The following GPC5 variants were observed in gnomAD, a reference collection of about 807,000 sequenced individuals.
GPC5 encodes glypican 5, also known as glypican-5.
GPC5 carries 47 observed loss-of-function variants against 53.9 expected under a neutral mutation model. The observed-to-expected ratio is 0.87, with a 90% CI of 0.69 to 1.11. The LOEUF (loss-of-function observed/expected upper bound fraction) is 1.11, where lower values mean the gene tolerates loss of function less well. Among genes scored for constraint, GPC5 ranks in the 50% most tolerant of loss-of-function variants. The probability of loss-of-function intolerance (pLI) is 0.00; values close to 1 mark genes in which losing one functional copy is unlikely to be tolerated. For synonymous variants in GPC5, 286 were observed against 263.3 expected (o/e 1.09, Z -0.84); for missense variants, 748 against 713.1 (o/e 1.05, Z -0.56).
At chr13:91,839,421 C>T (rs886198801) in intron 5 of GPC5, among the ~76,000 whole-genome samples, 5 of 151,954 alleles carry the variant, frequency 3.3e-5, no homozygotes, top group Admixed American at 6.6e-5. Context: ...ATTTTGCAAC[C>T]GCTTTGGAGT....
At chr13:91,570,138 A>G (rs901385897) in intron 2 of GPC5, among the ~76,000 whole-genome samples, 37 of 152,224 alleles carry the variant, frequency 2.4e-4, no homozygotes, top group African/African-American at 8.4e-4. Context: ...AAAAGTCGCC[A>G]TAAACAAACT....
At chr13:91,418,491 T>A (rs1281756396) in intron 1 of GPC5, among the ~76,000 whole-genome samples, 1 of 152,186 alleles carries the variant, frequency 6.6e-6, no homozygotes, top group Non-Finnish European at 1.5e-5. Context: ...GAAGCTTGAT[T>A]CTGCAGGAAA....
chr13:92,510,735 T>C (rs752875000), intron 7 of GPC5, among the ~76,000 whole-genome samples: 1 of 152,216 alleles, frequency 6.6e-6, no homozygotes, highest in Non-Finnish European at 1.5e-5. Context: ...ATCCATGGCT[T>C]ATGCTGATTT....
intron 2 of GPC5, among the ~76,000 whole-genome samples, chr13:91,498,197 T>G (rs865860041): frequency 4.0e-5 from 6 of 151,890 alleles, no homozygotes; most frequent in African/African-American, 1.5e-4. Context: ...ATTCTTGGGA[T>G]TTTTGCTTAA....
At chr13:91,423,971 A>G (rs1331358734) in intron 1 of GPC5, among the ~76,000 whole-genome samples, 1 of 152,256 alleles carries the variant, frequency 6.6e-6, no homozygotes, top group African/African-American at 2.4e-5. Flanking sequence ...TAAAATATTC[A>G]TTCACAATGC....
At chr13:91,554,072 C>G (rs2030802849) in intron 2 of GPC5, among the ~76,000 whole-genome samples, 1 of 151,978 alleles carries the variant, frequency 6.6e-6, no homozygotes, top group African/African-American at 2.4e-5. Context: ...TTCCCTTTTA[C>G]CACCACTTTT....
intron 2 of GPC5, among the ~76,000 whole-genome samples, chr13:91,459,716 T>A (rs1473618138): frequency 6.6e-6 from 1 of 152,094 alleles, no homozygotes; most frequent in Non-Finnish European, 1.5e-5. Context: ...GCTAAGCTTA[T>A]ACAGGGTAGA....
intron 5 of GPC5, 73 bp from the exon 6 acceptor site, chr13:91,907,864 T>C: frequency 6.7e-7 from 1 of 1,502,274 alleles, no homozygotes; most frequent in African/African-American, 1.4e-5. Flanking sequence ...CGACCTCAAA[T>C]ATGTTCAGAT....
chr13:92,748,311 T>TTTATTATTATTA (rs71202559), intron 7 of GPC5, among the ~76,000 whole-genome samples: 4,460 of 142,310 alleles, frequency 0.031, 147 homozygotes, highest in East Asian at 0.13. Context: ...TGCATTTTAT[T>TTTATTATTATTA]TTATTATTAT....
At chr13:92,031,821 T>A (rs1248500089) in intron 6 of GPC5, among the ~76,000 whole-genome samples, 1 of 102,078 alleles carries the variant, frequency 9.8e-6, no homozygotes, top group Admixed American at 1.5e-4. Context: ...TATTACATAT[T>A]ATATATAATA....
intron 7 of GPC5, among the ~76,000 whole-genome samples, chr13:92,420,834 A>G (rs1313482406): frequency 1.3e-5 from 2 of 152,174 alleles, no homozygotes; most frequent in Admixed American, 1.3e-4. Context: ...CATTCCTTTT[A>G]TGGCTGAATA....
At chr13:92,335,360 G>T (rs1253809013) in intron 7 of GPC5, among the ~76,000 whole-genome samples, 1 of 152,130 alleles carries the variant, frequency 6.6e-6, no homozygotes, top group African/African-American at 2.4e-5. Flanking sequence ...ACAGGACACT[G>T]AGTCCCAAGG....
At chr13:91,558,896 T>C (rs2138891809) in intron 2 of GPC5, among the ~76,000 whole-genome samples, 1 of 152,286 alleles carries the variant, frequency 6.6e-6, no homozygotes, top group Non-Finnish European at 1.5e-5. Context: ...TAGCCCTATA[T>C]ATTCCTCCTG....
chr13:92,103,407 A>C (rs1250845625), intron 6 of GPC5, among the ~76,000 whole-genome samples: 1 of 152,182 alleles, frequency 6.6e-6, no homozygotes, highest in Non-Finnish European at 1.5e-5. Flanking sequence ...ATAGAAGCAT[A>C]TATACATGGT....
chr13:91,825,131 G>A (rs887886866), intron 5 of GPC5, among the ~76,000 whole-genome samples: 5 of 151,672 alleles, frequency 3.3e-5, no homozygotes, highest in Admixed American at 2.6e-4. Context: ...GGATCGGGTG[G>A]GGGAGGGAGA....
intron 7 of GPC5, among the ~76,000 whole-genome samples, chr13:92,767,888 T>A (rs1265240139): frequency 6.6e-6 from 1 of 152,188 alleles, no homozygotes; most frequent in African/African-American, 2.4e-5. Flanking sequence ...TTGACTTCCA[T>A]CACTACAAGT....
chr13:91,432,049 T>C (rs1879490838), intron 1 of GPC5, among the ~76,000 whole-genome samples: 1 of 152,122 alleles, frequency 6.6e-6, no homozygotes, highest in South Asian at 2.1e-4. Context: ...AGAGAAATAA[T>C]GTGGGTTGTT....
intron 7 of GPC5, among the ~76,000 whole-genome samples, chr13:92,470,268 T>C (rs9589550): frequency 0.68 from 103,880 of 151,956 alleles, 36,440 homozygotes; most frequent in East Asian, 0.89. Context: ...TATTATTTGC[T>C]CTGCAATAGT....
At chr13:92,198,901 C>T (rs2042275416) in intron 7 of GPC5, among the ~76,000 whole-genome samples, 1 of 152,072 alleles carries the variant, frequency 6.6e-6, no homozygotes, top group Non-Finnish European at 1.5e-5. Context: ...ATTCCATACT[C>T]AAATTGAGAC....
Sources: gnomAD v4.1 joint callset for allele counts (sites outside exome capture counted in the v4.1 genomes callset) on GRCh38, gnomAD v4.1.1 for gene constraint, MANE v1.5 for transcripts, NCBI Gene and HGNC (gene_info 2026-07-23, HGNC 2026-07-21) for gene names.